The following NKAIN3 variants were observed in gnomAD, a reference collection of about 807,000 sequenced individuals.
The protein encoded by NKAIN3 is sodium/potassium-transporting ATPase subunit beta-1-interacting protein 3.
A neutral mutation model predicts 30.2 loss-of-function variants in NKAIN3; 25 were observed. The ratio of observed to expected loss-of-function variants is 0.83; its 90% CI spans 0.60 to 1.16. The LOEUF (loss-of-function observed/expected upper bound fraction) is 1.16, where lower values mean the gene tolerates loss of function less well. Among genes scored for constraint, NKAIN3 ranks in the 50% most tolerant of loss-of-function variants. NKAIN3 has a pLI of 0.00. For missense variants in NKAIN3, 225 were observed against 254.1 expected (o/e 0.89, Z 0.78); for synonymous variants, 91 against 89.6 (o/e 1.02, Z -0.09).
intron 1 of NKAIN3, among the ~76,000 whole-genome samples, chr8:62,416,906 C>T (rs1275978731): frequency 6.6e-6 from 1 of 151,782 alleles, no homozygotes; most frequent in African/African-American, 2.4e-5. Flanking sequence ...GCAGGAGAAT[C>T]GCTTGAACCT....
chr8:62,699,367 G>T (rs4738995), intron 3 of NKAIN3, among the ~76,000 whole-genome samples: 26,978 of 152,064 alleles, frequency 0.18, 2,540 homozygotes, highest in East Asian at 0.35. Context: ...ATTAAACTTT[G>T]AATGATGACC....
At chr8:62,551,358 G>C (rs1809203185) in intron 1 of NKAIN3, among the ~76,000 whole-genome samples, 1 of 152,044 alleles carries the variant, frequency 6.6e-6, no homozygotes, top group African/African-American at 2.4e-5. Context: ...TTTTGGTCTT[G>C]ATTTTTAGAA....
intron 1 of NKAIN3, among the ~76,000 whole-genome samples, chr8:62,271,395 G>C (rs897059429): frequency 1.4e-4 from 22 of 152,282 alleles, no homozygotes; most frequent in South Asian, 2.1e-4. Flanking sequence ...GCTGGGAATT[G>C]AGAACTGTTT....
At chr8:62,595,514 G>A (rs764148447) in intron 3 of NKAIN3, among the ~76,000 whole-genome samples, 6 of 150,804 alleles carry the variant, frequency 4.0e-5, no homozygotes, top group Non-Finnish European at 8.8e-5. Context: ...TTTATATCCC[G>A]ATCCTTGTCC....
intron 4 of NKAIN3, among the ~76,000 whole-genome samples, chr8:62,851,950 T>C (rs1819915049): frequency 6.6e-6 from 1 of 152,198 alleles, no homozygotes; most frequent in Non-Finnish European, 1.5e-5. Flanking sequence ...GGCTTTGGTA[T>C]CAGGATGATG....
At chr8:62,588,350 A>G (rs1810542488) in intron 2 of NKAIN3, among the ~76,000 whole-genome samples, 1 of 151,834 alleles carries the variant, frequency 6.6e-6, no homozygotes, top group African/African-American at 2.4e-5. Context: ...TAACTTTTTA[A>G]CATGTTTTCC....
Position 62,278,553 on chromosome 8 carries a change from G to A in NKAIN3, c.54+29426G>A, listed in dbSNP as rs188091166. On this transcript the variant is annotated intron_variant, in intron 1 of 6. Transcript: ENST00000623646. ...CTCCCCCGACCCCATGACAGGCCCC[G>A]GTGTGTGATGTTCCCCTTCCTGTGT... is the stretch of plus-strand genomic sequence containing the variant. Among the ~76,000 whole-genome samples the A allele has an allele frequency of 4.7e-4, 70 of 147,462 alleles. 1 individual carries two copies. Among genetic ancestry groups the A allele is most frequent in the South Asian group, 4.5e-4 (2 of 4,454 alleles).
At chr8:62,822,346 G>A (rs935228647) in intron 4 of NKAIN3, among the ~76,000 whole-genome samples, 1 of 152,084 alleles carries the variant, frequency 6.6e-6, no homozygotes, top group Admixed American at 6.6e-5. Context: ...TTTAATATAA[G>A]AAGTGTTTCA....
chr8:62,775,633 T>A (rs1211630657), intron 4 of NKAIN3, among the ~76,000 whole-genome samples: 1 of 151,996 alleles, frequency 6.6e-6, no homozygotes, highest in Non-Finnish European at 1.5e-5. Context: ...AGAATTTAAA[T>A]TTTTTTTAAT....
chr8:62,989,881 A>G (rs1415492284), downstream of NKAIN3, among the ~76,000 whole-genome samples: 2 of 152,158 alleles, frequency 1.3e-5, no homozygotes, highest in East Asian at 1.9e-4. Flanking sequence ...TGCTTTGTAA[A>G]TAGGAATCTA....
At chr8:62,620,006 C>G (rs1335480449) in intron 3 of NKAIN3, among the ~76,000 whole-genome samples, 1 of 152,118 alleles carries the variant, frequency 6.6e-6, no homozygotes, top group South Asian at 2.1e-4. Flanking sequence ...GAGAGGAAAC[C>G]ACATAAATTT....
At chr8:62,860,938 C>T (rs1191928089) in intron 4 of NKAIN3, among the ~76,000 whole-genome samples, 4 of 152,180 alleles carry the variant, frequency 2.6e-5, no homozygotes. Flanking sequence ...GGCCTCATTC[C>T]AGGACAGGCA....
intron 1 of NKAIN3, among the ~76,000 whole-genome samples, chr8:62,299,110 T>A (rs1294273030): frequency 6.6e-6 from 1 of 152,092 alleles, no homozygotes; most frequent in Non-Finnish European, 1.5e-5. Context: ...AAGCCCATGC[T>A]TCTCATGAAG....
intron 1 of NKAIN3, among the ~76,000 whole-genome samples, chr8:62,294,096 T>C (rs895475606): frequency 2.0e-5 from 3 of 152,168 alleles, no homozygotes; most frequent in African/African-American, 7.2e-5. Flanking sequence ...AAGAGCAGTA[T>C]TAGGGTGGGA....
chr8:62,539,416 C>G lies in NKAIN3; in HGVS notation c.55-40123C>G, dbSNP rs180721762. On this transcript the variant is annotated intron_variant, in intron 1 of 6. Transcript: ENST00000623646. ...AAACAAGTGTAGGGATTTATTTCAG[C>G]TTTACTGCAGTGTGAAATTGGCCAT... Among the ~76,000 whole-genome samples the G allele has an allele frequency of 7.3e-3, 1,113 of 152,086 alleles. 11 individuals are homozygous for G. The highest frequency in any genetic ancestry group is 0.03 in the South Asian group (143 of 4,804).
At chr8:62,845,599 A>G (rs925635071) in intron 4 of NKAIN3, among the ~76,000 whole-genome samples, 1 of 152,054 alleles carries the variant, frequency 6.6e-6, no homozygotes, top group Non-Finnish European at 1.5e-5. Context: ...TTGGCTTATC[A>G]CAGTTATCCC....
chr8:62,492,462 T>G (rs1192482723), intron 1 of NKAIN3, among the ~76,000 whole-genome samples: 4 of 152,170 alleles, frequency 2.6e-5, no homozygotes, highest in Non-Finnish European at 5.9e-5. Flanking sequence ...CTATATCTGT[T>G]GCCTATGTCC....
chr8:62,350,542 G>A (rs928851801), intron 1 of NKAIN3, among the ~76,000 whole-genome samples: 4 of 152,090 alleles, frequency 2.6e-5, no homozygotes, highest in Non-Finnish European at 5.9e-5. Context: ...GACCAACGGT[G>A]GTGATGGCTG....
chr8:62,342,246 A>AG (rs1033065320), intron 1 of NKAIN3, among the ~76,000 whole-genome samples: 108 of 151,366 alleles, frequency 7.1e-4, no homozygotes, highest in African/African-American at 2.5e-3. Flanking sequence ...AAAAAAAAAA[A>AG]AAAAGAGATA....
Sources: allele counts gnomAD v4.1 joint callset (sites outside exome capture counted in the v4.1 genomes callset), GRCh38; gene constraint gnomAD v4.1.1; transcripts MANE v1.5; gene names NCBI Gene and HGNC (gene_info 2026-07-23, HGNC 2026-07-21).